The following CHRDL2 variants were observed in gnomAD, a reference collection of about 807,000 sequenced individuals.
CHRDL2 encodes chordin like 2.
Under a neutral mutation model 54.3 loss-of-function variants are expected in CHRDL2, and 41 were observed. The observed-to-expected ratio is 0.76, with a 90% confidence interval of 0.59 to 0.98. CHRDL2 has a LOEUF of 0.98. Ranked by LOEUF, CHRDL2 falls within the 50% of genes least tolerant of loss-of-function variation. CHRDL2 has a pLI of 0.00. For synonymous variants in CHRDL2, 220 were observed against 224.3 expected (o/e 0.98, Z 0.17); for missense variants, 518 against 562.4 (o/e 0.92, Z 0.80).
intron 6 of CHRDL2, 126 bp from the exon 7 acceptor site, chr11:74,704,780 G>T: frequency 1.1e-6 from 1 of 887,656 alleles, no homozygotes; most frequent in Non-Finnish European, 1.8e-6. Context: ...CCAGAGAAGA[G>T]AAGGTAGAGA....
chr11:74,715,994 TAATAAATA>T (rs145360099), intron 2 of CHRDL2, among the ~76,000 whole-genome samples: 10 of 151,766 alleles, frequency 6.6e-5, no homozygotes, highest in African/African-American at 2.4e-4. Flanking sequence ...AATAAATAAA[TAATAAATA>T]AATAAATAGA....
At chr11:74,715,073 C>T (rs1224772805) in intron 2 of CHRDL2, among the ~76,000 whole-genome samples, 1 of 152,168 alleles carries the variant, frequency 6.6e-6, no homozygotes, top group Non-Finnish European at 1.5e-5. Context: ...AGAAAAGAGC[C>T]TTGAAAGGTT....
At chr11:74,708,457 GGAACA>G in intron 4 of CHRDL2, 62 bp from the exon 5 acceptor site, 2 of 1,269,144 alleles carry the variant, frequency 1.6e-6, no homozygotes, top group Non-Finnish European at 2.2e-6. Flanking sequence ...TTGGGGGCTA[GGAACA>G]CCCCCTTCCC....
chr11:74,707,102 T>C (rs1047603786), intron 5 of CHRDL2, among the ~76,000 whole-genome samples: 6 of 152,172 alleles, frequency 3.9e-5, no homozygotes, highest in African/African-American at 1.2e-4. Flanking sequence ...CCCTGCAGCT[T>C]CCTAAACCCG....
chr11:74,713,330 T>G, intron 3 of CHRDL2, 56 bp downstream of exon 3: 2 of 1,489,520 alleles, frequency 1.3e-6, no homozygotes, highest in South Asian at 2.3e-5. Flanking sequence ...GCTAGAGGGC[T>G]ACACTGGGAG....
intron 6 of CHRDL2, 53 bp downstream of exon 6, chr11:74,706,434 C>T (rs2034010299): frequency 1.9e-6 from 3 of 1,570,240 alleles, no homozygotes; most frequent in Non-Finnish European, 2.6e-6. Flanking sequence ...GAGATTTAGG[C>T]CCTGGATCCC....
Position 74,710,348 on chromosome 11 carries a change from T to C in CHRDL2, c.432+501A>G, listed in dbSNP as rs554698968. The stretch of plus-strand genomic sequence containing the variant: ...GGAGGCCCTGCTTAGCTTCAGTCTC[T>C]GTCCCATGATAACACTGCCGAGTCA... On this transcript the variant is annotated intron_variant, in intron 4 of 10. Transcript: ENST00000376332. Among the ~76,000 whole-genome samples the C allele has an allele frequency of 2.0e-5, 3 of 152,324 alleles. No individual in the cohort carries two copies. The South Asian group carries it at 6.2e-4, about 32-fold the overall frequency.
At chr11:74,709,448 T>C (rs2034115363) in intron 4 of CHRDL2, among the ~76,000 whole-genome samples, 1 of 152,212 alleles carries the variant, frequency 6.6e-6, no homozygotes, top group South Asian at 2.1e-4. Flanking sequence ...ACAGAAATAG[T>C]GATATCCTTC....
At chr11:74,720,139 A>G (rs1268557025) in intron 1 of CHRDL2, 2 of 152,474 alleles carry the variant, frequency 1.3e-5, no homozygotes, top group African/African-American at 4.8e-5. Flanking sequence ...AACCCCTTAT[A>G]GAAGTTAATT....
intron 4 of CHRDL2, among the ~76,000 whole-genome samples, chr11:74,709,294 A>G (rs1173199155): frequency 6.6e-6 from 1 of 152,140 alleles, no homozygotes; most frequent in Non-Finnish European, 1.5e-5. Flanking sequence ...TCATCCCTTC[A>G]GGGGAGGCAG....
intron 9 of CHRDL2, among the ~76,000 whole-genome samples, chr11:74,700,027 C>A (rs1404020209): frequency 6.6e-6 from 1 of 152,240 alleles, no homozygotes; most frequent in Non-Finnish European, 1.5e-5. Context: ...TCCTGGCACA[C>A]CTTGGCCATC....
chr11:74,727,966 G>A (rs995315760), intron 1 of CHRDL2, among the ~76,000 whole-genome samples: 3 of 152,136 alleles, frequency 2.0e-5, no homozygotes, highest in African/African-American at 7.2e-5. Flanking sequence ...GCTGGGACCA[G>A]TACTGGTCAG....
At position 74,724,890 on chromosome 11, in the gene CHRDL2, T is replaced by C. The variant is rs116811588; in HGVS notation, c.82+5917A>G. Among the ~76,000 whole-genome samples the C allele has an allele frequency of 2.4e-3, 365 of 152,340 alleles. 1 individual carries two copies. The highest frequency in any genetic ancestry group is 8.2e-3 in the African/African-American group (343 of 41,576). On this transcript the variant is annotated intron_variant, in intron 1 of 10. Coordinates refer to ENST00000376332, the MANE Select transcript of CHRDL2 (RefSeq NM_001278473.3). ...GCTCAAGGTAGAGCCTACATAGAGTTCGTGCCTGATGAACGAAATCAATGA... is the reference window on the plus strand; with the variant it reads ...GCTCAAGGTAGAGCCTACATAGAGTCCGTGCCTGATGAACGAAATCAATGA...
intron 2 of CHRDL2, among the ~76,000 whole-genome samples, chr11:74,718,257 G>A (rs1454618041): frequency 1.3e-5 from 2 of 152,200 alleles, no homozygotes; most frequent in Non-Finnish European, 2.9e-5. Flanking sequence ...ATCCTTCCAG[G>A]TGGAGGTCAT....
rs370073648 is a variant in CHRDL2 at position 74,713,492 on chromosome 11, C to T, written c.196-13G>A. The T allele has an allele frequency of 8.7e-6, 14 of 1,610,140 alleles. No homozygotes were observed. In the African/African-American group the frequency reaches 1.7e-4, roughly 20 times the overall value. ...TCACATGGGCGCCCTGAAGGGGACA[C>T]AAGGGTCAGCCCTGGTTCAAAGAAC... On this transcript the variant is annotated splice_polypyrimidine_tract_variant and intron_variant, in intron 2 of 10. Transcript: ENST00000376332.
chr11:74,699,304 G>C (rs1257256889), intron 9 of CHRDL2: 2 of 152,290 alleles, frequency 1.3e-5, no homozygotes. Flanking sequence ...CTGGGTCTCT[G>C]GCCTGGAATC....
Position 74,702,994 on chromosome 11 carries a change from G to A in CHRDL2, c.947-27C>T, listed in dbSNP as rs776457374. On this transcript the variant is annotated intron_variant, in intron 8 of 10. Transcript: ENST00000376332. The stretch of plus-strand genomic sequence containing the variant: ...TGGAGAGACAAGAAGCTCATGAAGT[G>A]TTCAATAAACGTTGGCTGTACCTCT... 6 of 1,573,068 alleles carry A rather than the reference G, an allele frequency of 3.8e-6. No individual in the cohort carries two copies. In the South Asian group the frequency reaches 5.9e-5, roughly 16 times the overall value.
At position 74,717,504 on chromosome 11, in the gene CHRDL2, G is replaced by A. The variant is rs182038988; in HGVS notation, c.195+1216C>T. Among the ~76,000 whole-genome samples the A allele has an allele frequency of 6.6e-5, 10 of 152,286 alleles. No homozygotes were observed. The East Asian group carries it at 1.2e-3, about 18-fold the overall frequency. ...GGCCTCAGATGTGCTAAGGCAAACC[G>A]AGGGGAGGCAGTCATGGTGGGGGTT... On this transcript the variant is annotated intron_variant, in intron 2 of 10. Coordinates refer to ENST00000376332, the MANE Select transcript of CHRDL2 (RefSeq NM_001278473.3).
rs2135283613 is a variant in CHRDL2, at chr11:74,730,865, G to C, written c.24C>G (p.Leu8=). 6.2e-7 allele frequency: 1 copy of C among 1,612,500 alleles called. No individual in the cohort carries two copies. The highest frequency in any genetic ancestry group is 2.2e-5 in the East Asian group (1 of 44,812). The part of the protein sequence containing the change: MVPEVRV[L]SSLLGLALLW... Reference sequence around the variant, plus strand: ...GCAGCGCGAGTCCCAGCAAGGAGGAGAGGACCCTCACCTCGGGAACCATCC... The same window carrying C: ...GCAGCGCGAGTCCCAGCAAGGAGGACAGGACCCTCACCTCGGGAACCATCC... Residue 8 remains leucine (L), a synonymous_variant, in exon 1 of 11, where the codon CTC becomes CTG. Coordinates refer to ENST00000376332, the MANE Select transcript of CHRDL2 (RefSeq NM_001278473.3).
Sources: gnomAD v4.1 joint callset for allele counts (sites outside exome capture counted in the v4.1 genomes callset) on GRCh38, gnomAD v4.1.1 for gene constraint, MANE v1.5 for transcripts, NCBI Gene and HGNC (gene_info 2026-07-23, HGNC 2026-07-21) for gene names.